The following MBLAC1 variants were observed in gnomAD, a reference collection of about 807,000 sequenced individuals.
MBLAC1 encodes metallo-beta-lactamase domain-containing protein 1.
In MBLAC1, 1 loss-of-function variant was observed where a neutral mutation model predicts 1.5. That is an observed-to-expected ratio of 0.68 (90% confidence interval 0.24 to 3.21). The LOEUF is 3.21. Among genes scored for constraint, MBLAC1 ranks in the 30% most tolerant of loss-of-function variants. The pLI is 0.20. For missense variants in MBLAC1, 371 were observed against 384.7 expected, an observed-to-expected ratio of 0.96 and a Z score of 0.30; for synonymous variants, 197 against 191.3, an observed-to-expected ratio of 1.03 and a Z score of -0.25.
At position 100,127,746 on chromosome 7, in the gene MBLAC1, G is replaced by A. The variant is rs367768137; in HGVS notation, c.351G>A (p.Ser117=). The part of the protein sequence containing the change: ...VTLVVGTHGH[S]DHIGNLGLFP... ...TAGTGGTGGGGACCCACGGGCACTC[G>A]GATCACATCGGGAACTTGGGGCTGT... is the stretch of plus-strand genomic sequence containing the variant. Residue 117 remains serine, a synonymous_variant, in exon 2 of 2, where the codon TCG becomes TCA. Coordinates refer to ENST00000398075, the MANE Select transcript of MBLAC1 (RefSeq NM_203397.3). The surrounding 1 kb of genome is among the most constrained non-coding windows in gnomAD (Gnocchi z 4.6). The A allele has an allele frequency of 2.0e-6, 3 of 1,513,078 alleles. No individual in the cohort carries two copies. Among genetic ancestry groups the A allele is most frequent in the Non-Finnish European group, 2.6e-6 (3 of 1,132,120 alleles). The allele number at this position is 1,513,078 out of a possible 1,614,324, so 93.7% of individuals were successfully genotyped here.
chr7:100,128,381 A>C lies in MBLAC1; in HGVS notation c.*185A>C, dbSNP rs2116918457. ...AGTATCACTGCCTGTCTCTGCCACCAAACTAAGATCAAAGGAGGGGCTCAG... is the reference window on the plus strand; with the variant it reads ...AGTATCACTGCCTGTCTCTGCCACCCAACTAAGATCAAAGGAGGGGCTCAG... On this transcript the variant is annotated 3_prime_UTR_variant, in exon 2 of 2. Transcript: ENST00000398075. 3.3e-6 allele frequency: 2 copies of C among 605,716 alleles called. No homozygotes were observed. Among genetic ancestry groups the C allele is most frequent in the East Asian group, 5.7e-5 (2 of 35,336 alleles). The allele number at this position is 605,716 out of a possible 1,614,324, so 37.5% of individuals were successfully genotyped here.
Position 100,127,286 on chromosome 7 carries a change from G to A in MBLAC1, c.-28-82G>A. The A allele has an allele frequency of 9.5e-7, 1 of 1,057,464 alleles. No homozygotes were observed. The highest frequency in any genetic ancestry group is 1.6e-5 in the South Asian group (1 of 63,414). 65.5% of individuals were successfully genotyped at this position (1,057,464 alleles called of 1,614,324 possible). A position where few individuals can be genotyped will look rare whatever the true frequency, so the allele number is the denominator to read the frequency against. On this transcript the variant is annotated intron_variant, in intron 1 of 1. Coordinates refer to ENST00000398075, the MANE Select transcript of MBLAC1 (RefSeq NM_203397.3). The surrounding 1 kb of genome is among the most constrained non-coding windows in gnomAD (Gnocchi z 4.6). ...CGGGTGGCAGAGAACCGAGGCTTAG[G>A]GGCAGTGGCGGGGCCGAGCGCGGGT...
chr7:100,127,940 C>G lies in MBLAC1; in HGVS notation c.545C>G (p.Thr182Arg). The part of the protein sequence containing the change: ...QRDVSVVVAG[T>R]ALGTVVVAGD... ...GACGTGAGCGTGGTGGTGGCCGGCA[C>G]GGCTCTGGGCACCGTGGTGGTGGCG... is the stretch of plus-strand genomic sequence containing the variant. Residue 182 changes from threonine to arginine, a missense_variant, in exon 2 of 2, where the codon ACG becomes AGG. Thr to Arg is a moderately conservative substitution (Grantham distance 71). Coordinates refer to ENST00000398075, the MANE Select transcript of MBLAC1 (RefSeq NM_203397.3). The surrounding 1 kb of genome is among the most constrained non-coding windows in gnomAD (Gnocchi z 4.6). The G allele has an allele frequency of 1.9e-6, 3 of 1,596,952 alleles. No individual in the cohort carries two copies. The highest frequency in any genetic ancestry group is 2.3e-5 in the East Asian group (1 of 43,970).
At position 100,127,073 on chromosome 7, in the gene MBLAC1, C is replaced by A. The variant is rs1046836962; in HGVS notation, c.-29+9C>A. On this transcript the variant is annotated intron_variant, in intron 1 of 1. Transcript: ENST00000398075. The surrounding 1 kb of genome is among the most constrained non-coding windows in gnomAD (Gnocchi z 4.6). ...CCTAGCAGAGGCCCAAGGTAGAGCGCGGCTAGGATTCGATGGAGGGAAACA... is the reference window on the plus strand; with the variant it reads ...CCTAGCAGAGGCCCAAGGTAGAGCGAGGCTAGGATTCGATGGAGGGAAACA... 1.2e-5 allele frequency: 4 copies of A among 346,614 alleles called. No individual in the cohort carries two copies. The highest frequency in any genetic ancestry group is 2.1e-5 in the Non-Finnish European group (4 of 186,450). The allele number at this position is 346,614 out of a possible 1,614,324, so 21.5% of individuals were successfully genotyped here. A position where few individuals can be genotyped will look rare whatever the true frequency, so the allele number is the denominator to read the frequency against.
Position 100,127,646 on chromosome 7 carries a change from C to G in MBLAC1, c.251C>G (p.Thr84Ser). Reference protein sequence around the residue: ...EAARGPILVDTGGPWAREALL... With the variant: ...EAARGPILVDSGGPWAREALL... The stretch of plus-strand genomic sequence containing the variant: ...GCCCGTGGCCCCATCCTGGTGGACA[C>G]CGGGGGCCCCTGGGCTCGGGAGGCG... The change falls in exon 2 of 2, where the codon ACC becomes AGC. Residue 84 changes from threonine (T) to serine (S), a missense_variant. Transcript: ENST00000398075. This position sits in a 1 kb window ranked among gnomAD's most constrained non-coding sequence, Gnocchi z 4.6. The G allele has an allele frequency of 7.1e-7, 1 of 1,404,422 alleles. No individual in the cohort carries two copies. The highest frequency in any genetic ancestry group is 9.2e-7 in the Non-Finnish European group (1 of 1,083,934). 87.0% of individuals were successfully genotyped at this position (1,404,422 alleles called of 1,614,324 possible).
At position 100,128,127 on chromosome 7, in the gene MBLAC1, C is replaced by T; in HGVS notation, c.732C>T (p.Pro244=). Residue 244 remains proline, a synonymous_variant, in exon 2 of 2, where the codon CCC becomes CCT. Coordinates refer to ENST00000398075, the MANE Select transcript of MBLAC1 (RefSeq NM_203397.3). ...GAGTGTTAAGGGAAGCCTCGCAGCCCGAGACGGAGGGTGGAGGGAACAGCC... is the reference window on the plus strand; with the variant it reads ...GAGTGTTAAGGGAAGCCTCGCAGCCTGAGACGGAGGGTGGAGGGAACAGCC... ...PFRVLREASQ[P]ETEGGGNSQQ... is the part of the protein sequence containing the mutation. 6.2e-7 allele frequency: 1 copy of T among 1,606,894 alleles called. No homozygotes were observed. Among genetic ancestry groups the T allele is most frequent in the Non-Finnish European group, 8.5e-7 (1 of 1,177,030 alleles).
Position 100,127,386 on chromosome 7 carries a change from G to A in MBLAC1, c.-10G>A, listed in dbSNP as rs1306711440. The A allele has an allele frequency of 6.3e-7, 1 of 1,581,592 alleles. No homozygotes were observed. Among genetic ancestry groups the A allele is most frequent in the Non-Finnish European group, 8.5e-7 (1 of 1,172,558 alleles). On this transcript the variant is annotated 5_prime_UTR_variant, in exon 2 of 2. Transcript: ENST00000398075. This position sits in a 1 kb window ranked among gnomAD's most constrained non-coding sequence, Gnocchi z 4.6. Reference sequence around the variant, plus strand: ...TCCCCAGCCCGTCCCTCCCTGCCAGGAGCAGCCTCATGCGGACCGAGCCGC... The same window carrying A: ...TCCCCAGCCCGTCCCTCCCTGCCAGAAGCAGCCTCATGCGGACCGAGCCGC...
rs1440931425 is a variant in MBLAC1, at chr7:100,127,070, G to A, written c.-29+6G>A. On this transcript the variant is annotated splice_donor_region_variant and intron_variant, in intron 1 of 1. Coordinates refer to ENST00000398075, the MANE Select transcript of MBLAC1 (RefSeq NM_203397.3). The surrounding 1 kb of genome is among the most constrained non-coding windows in gnomAD (Gnocchi z 4.6). Reference sequence around the variant, plus strand: ...AGACCTAGCAGAGGCCCAAGGTAGAGCGCGGCTAGGATTCGATGGAGGGAA... The same window carrying A: ...AGACCTAGCAGAGGCCCAAGGTAGAACGCGGCTAGGATTCGATGGAGGGAA... The A allele has an allele frequency of 5.8e-6, 2 of 342,664 alleles. No individual in the cohort carries two copies. The highest frequency in any genetic ancestry group is 1.1e-5 in the Non-Finnish European group (2 of 184,058). The allele number at this position is 342,664 out of a possible 1,614,324, so 21.2% of individuals were successfully genotyped here. A position where few individuals can be genotyped will look rare whatever the true frequency, so the allele number is the denominator to read the frequency against.
rs768562482 is a variant in MBLAC1, at chr7:100,128,188, C to T, written c.793C>T (p.Leu265=). 1 of 1,587,244 alleles carries T rather than the reference C, an allele frequency of 6.3e-7. No homozygotes were observed. The highest frequency in any genetic ancestry group is 2.3e-5 in the East Asian group (1 of 43,704). The change falls in exon 2 of 2, where the codon CTG becomes TTG. Residue 265 remains leucine (L), a synonymous_variant. Coordinates refer to ENST00000398075, the MANE Select transcript of MBLAC1 (RefSeq NM_203397.3). The stretch of plus-strand genomic sequence containing the variant: ...GGTGGTCGGAGACGAGGAGCCCGCC[C>T]TGCACTAATCAGCCTCGAGAGGGAC... ...EPVVGDEEPA[L]H
Position 100,128,443 on chromosome 7 carries a change from G to A in MBLAC1, c.*247G>A. 1 of 475,676 alleles carries A rather than the reference G, an allele frequency of 2.1e-6. No homozygotes were observed. The allele number at this position is 475,676 out of a possible 1,614,324, so 29.5% of individuals were successfully genotyped here. On this transcript the variant is annotated 3_prime_UTR_variant, in exon 2 of 2. Coordinates refer to ENST00000398075, the MANE Select transcript of MBLAC1 (RefSeq NM_203397.3). ...TTCTCCCTGGGCCTCAGTAAAATGG[G>A]AGAAGGTTCGTGGGAGGGGCCTCCA...
rs1584592969 is a variant in MBLAC1, at chr7:100,127,109, C to G, written c.-29+45C>G. The G allele has an allele frequency of 6.2e-6, 3 of 480,292 alleles. No individual in the cohort carries two copies. The East Asian group carries it at 1.2e-4, about 19-fold the overall frequency. 29.8% of individuals were successfully genotyped at this position (480,292 alleles called of 1,614,324 possible). On this transcript the variant is annotated intron_variant, in intron 1 of 1. Transcript: ENST00000398075. This position sits in a 1 kb window ranked among gnomAD's most constrained non-coding sequence, Gnocchi z 4.6. ...CGATGGAGGGAAACATAAAGGATAG[C>G]CTTTGGAGGGTGACGGGCAAGGACG...
At position 100,127,495 on chromosome 7, in the gene MBLAC1, G is replaced by A. The variant is rs1172135766; in HGVS notation, c.100G>A (p.Val34Met). Residue 34 changes from valine (V) to methionine (M), a missense_variant, in exon 2 of 2, where the codon GTG becomes ATG. Coordinates refer to ENST00000398075, the MANE Select transcript of MBLAC1 (RefSeq NM_203397.3). The surrounding 1 kb of genome is among the most constrained non-coding windows in gnomAD (Gnocchi z 4.6). ...LLQGYAEPEG[V>M]GDAVRADGSV... ...GCAGGGCTACGCGGAGCCAGAGGGT[G>A]TGGGCGATGCCGTGCGCGCCGACGG... 6.3e-7 allele frequency: 1 copy of A among 1,586,150 alleles called. No individual in the cohort carries two copies.
chr7:100,127,792 G>A lies in MBLAC1; in HGVS notation c.397G>A (p.Val133Ile). 1 of 1,581,024 alleles carries A rather than the reference G, an allele frequency of 6.3e-7. No homozygotes were observed. Among genetic ancestry groups the A allele is most frequent in the Non-Finnish European group, 8.6e-7 (1 of 1,163,688 alleles). Reference sequence around the variant, plus strand: ...GCTGTTCCCAGGCGCGGCTCTGCTGGTCTCGCACGACTTCTGCCTTCCCGG... The same window carrying A: ...GCTGTTCCCAGGCGCGGCTCTGCTGATCTCGCACGACTTCTGCCTTCCCGG... ...LGLFPGAALL[V>I]SHDFCLPGGR... The change falls in exon 2 of 2, where the codon GTC becomes ATC. Residue 133 changes from valine to isoleucine, a missense_variant. Val to Ile is a conservative substitution (Grantham distance 29). Coordinates refer to ENST00000398075, the MANE Select transcript of MBLAC1 (RefSeq NM_203397.3). This position sits in a 1 kb window ranked among gnomAD's most constrained non-coding sequence, Gnocchi z 4.6.
At position 100,127,092 on chromosome 7, in the gene MBLAC1, G is replaced by A; in HGVS notation, c.-29+28G>A. 7.5e-6 allele frequency: 3 copies of A among 400,904 alleles called. No individual in the cohort carries two copies. The highest frequency in any genetic ancestry group is 7.9e-5 in the South Asian group (2 of 25,204). 24.8% of individuals were successfully genotyped at this position (400,904 alleles called of 1,614,324 possible). ...AGAGCGCGGCTAGGATTCGATGGAG[G>A]GAAACATAAAGGATAGCCTTTGGAG... On this transcript the variant is annotated intron_variant, in intron 1 of 1. Transcript: ENST00000398075. This position sits in a 1 kb window ranked among gnomAD's most constrained non-coding sequence, Gnocchi z 4.6.
chr7:100,127,219 A>G lies in MBLAC1; in HGVS notation c.-28-149A>G. 2 of 602,842 alleles carry G rather than the reference A, an allele frequency of 3.3e-6. No individual in the cohort carries two copies. Among genetic ancestry groups the G allele is most frequent in the Non-Finnish European group, 5.6e-6 (2 of 357,556 alleles). 37.3% of individuals were successfully genotyped at this position (602,842 alleles called of 1,614,324 possible). Reference sequence around the variant, plus strand: ...GTGTGAAGGGAGTCTGGGCGATACCATTTTGGGCAGGGGTTGAGGGTGATA... The same window carrying G: ...GTGTGAAGGGAGTCTGGGCGATACCGTTTTGGGCAGGGGTTGAGGGTGATA... On this transcript the variant is annotated intron_variant, in intron 1 of 1. Transcript: ENST00000398075. The surrounding 1 kb of genome is among the most constrained non-coding windows in gnomAD (Gnocchi z 4.6).
Position 100,128,205 on chromosome 7 carries a change from G to T in MBLAC1, c.*9G>T. ...AGCCCGCCCTGCACTAATCAGCCTCGAGAGGGACTGCACTCTTGTCAGGGA... is the reference window on the plus strand; with the variant it reads ...AGCCCGCCCTGCACTAATCAGCCTCTAGAGGGACTGCACTCTTGTCAGGGA... On this transcript the variant is annotated 3_prime_UTR_variant, in exon 2 of 2. Coordinates refer to ENST00000398075, the MANE Select transcript of MBLAC1 (RefSeq NM_203397.3). The T allele has an allele frequency of 6.4e-7, 1 of 1,568,408 alleles. No individual in the cohort carries two copies. The highest frequency in any genetic ancestry group is 1.2e-5 in the South Asian group (1 of 85,328).
rs749351187 is a variant in MBLAC1 at position 100,127,595 on chromosome 7, G to A, written c.200G>A (p.Gly67Asp). The A allele has an allele frequency of 4.3e-6, 6 of 1,406,066 alleles. No homozygotes were observed. The highest frequency in any genetic ancestry group is 5.5e-6 in the Non-Finnish European group (6 of 1,087,998). The allele number at this position is 1,406,066 out of a possible 1,614,324, so 87.1% of individuals were successfully genotyped here. Residue 67 changes from glycine to aspartate, a missense_variant, in exon 2 of 2, where the codon GGC (glycine) becomes GAC (aspartate). Physicochemically the swap from Gly to Asp is moderately conservative, Grantham distance 94. Coordinates refer to ENST00000398075, the MANE Select transcript of MBLAC1 (RefSeq NM_203397.3). This position sits in a 1 kb window ranked among gnomAD's most constrained non-coding sequence, Gnocchi z 4.6. The part of the protein sequence containing the change: ...SHRESPRGSG[G>D]AEAALEEAAR... ...CGAGAGTCCCCGCGCGGGAGTGGCG[G>A]CGCAGAGGCCGCCCTGGAGGAGGCG...
chr7:100,127,159 G>T lies in MBLAC1; in HGVS notation c.-29+95G>T. ...GTACGTACCGCGAACGGAATGGGGC[G>T]GGGGCCGAGGACGCCGAGGGAGGGG... is the stretch of plus-strand genomic sequence containing the variant. On this transcript the variant is annotated intron_variant, in intron 1 of 1. Coordinates refer to ENST00000398075, the MANE Select transcript of MBLAC1 (RefSeq NM_203397.3). The surrounding 1 kb of genome is among the most constrained non-coding windows in gnomAD (Gnocchi z 4.6). The T allele has an allele frequency of 1.9e-6, 1 of 526,244 alleles. No individual in the cohort carries two copies. Among genetic ancestry groups the T allele is most frequent in the Non-Finnish European group, 3.4e-6 (1 of 298,038 alleles). The allele number at this position is 526,244 out of a possible 1,614,324, so 32.6% of individuals were successfully genotyped here.
chr7:100,127,556 C>T lies in MBLAC1; in HGVS notation c.161C>T (p.Pro54Leu), dbSNP rs1366841130. 4 of 1,449,356 alleles carry T rather than the reference C, an allele frequency of 2.8e-6. No homozygotes were observed. Among genetic ancestry groups the T allele is most frequent in the South Asian group, 2.8e-5 (2 of 70,322 alleles). 89.8% of individuals were successfully genotyped at this position (1,449,356 alleles called of 1,614,324 possible). A position where few individuals can be genotyped will look rare whatever the true frequency, so the allele number is the denominator to read the frequency against. Residue 54 changes from proline to leucine, a missense_variant, in exon 2 of 2, where the codon CCG (proline) becomes CTG (leucine). By Grantham distance (98) the Pro-to-Leu change is moderately conservative. Transcript: ENST00000398075. The surrounding 1 kb of genome is among the most constrained non-coding windows in gnomAD (Gnocchi z 4.6). ...CTGGTCCTACCCCAGACCCGGGGCC[C>T]GGCCTCCAGCCACCGAGAGTCCCCG... ...VTLVLPQTRG[P>L]ASSHRESPRG...
Sources: gnomAD v4.1 joint callset for allele counts on GRCh38, gnomAD v4.1.1 for gene constraint, Gnocchi (gnomAD v3.1) non-coding constraint, MANE v1.5 for transcripts, NCBI Gene and HGNC (gene_info 2026-07-23, HGNC 2026-07-21) for gene names.